Variants in THRB observed in about 807,000 individuals in gnomAD.
THRB encodes the protein thyroid hormone receptor beta.
In THRB, 12 loss-of-function variants were observed where a neutral mutation model predicts 47.8. The ratio of observed to expected loss-of-function variants is 0.25; its 90% CI spans 0.16 to 0.41. The LOEUF is 0.41. THRB is among the 10% of genes least tolerant of loss of function. The pLI is 1.00. For synonymous variants in THRB, 218 were observed against 212.2 expected, an observed-to-expected ratio of 1.03 and a Z score of -0.24; for missense variants, 348 against 589.2, an observed-to-expected ratio of 0.59 and a Z score of 4.24.
chr3:24,469,912 A>T (rs552598283), intron 1 of THRB, among the ~76,000 whole-genome samples: 1 of 152,260 alleles, frequency 6.6e-6, no homozygotes, highest in African/African-American at 2.4e-5. Context: ...TCTGATGAAG[A>T]CTGACACTTC....
intron 1 of THRB, among the ~76,000 whole-genome samples, chr3:24,442,459 C>T (rs1435143483): frequency 6.6e-6 from 1 of 152,194 alleles, no homozygotes; most frequent in African/African-American, 2.4e-5. Context: ...AAGGGTGACC[C>T]TTGAGGCACT....
intron 4 of THRB, among the ~76,000 whole-genome samples, chr3:24,225,342 A>G (rs1273178802): frequency 2.0e-5 from 3 of 152,224 alleles, no homozygotes; most frequent in African/African-American, 7.2e-5. Flanking sequence ...GCCTTGATAA[A>G]GAAAATACCT....
chr3:24,493,797 T>A (rs1295283817), intron 1 of THRB, among the ~76,000 whole-genome samples: 3 of 152,122 alleles, frequency 2.0e-5, no homozygotes, highest in African/African-American at 7.2e-5. Context: ...TTAAAATAAA[T>A]AAGAAGGCTT....
chr3:24,323,341 T>C (rs2149313033), intron 2 of THRB, among the ~76,000 whole-genome samples: 1 of 152,236 alleles, frequency 6.6e-6, no homozygotes, highest in African/African-American at 2.4e-5. Context: ...AATGGCTCTG[T>C]TTGTTTTCAA....
At chr3:24,388,353 C>T (rs972440178) in intron 1 of THRB, among the ~76,000 whole-genome samples, 2 of 152,144 alleles carry the variant, frequency 1.3e-5, no homozygotes, top group African/African-American at 4.8e-5. Context: ...CCCATTCCTA[C>T]CACAGACAGC....
At chr3:24,391,307 T>G (rs941557716) in intron 1 of THRB, among the ~76,000 whole-genome samples, 5 of 152,066 alleles carry the variant, frequency 3.3e-5, no homozygotes, top group African/African-American at 7.2e-5. Flanking sequence ...TTGTGGAGAG[T>G]TGTCTCTTTC....
rs1576167995 is a variant in THRB at position 24,233,591 on chromosome 3, G to GAAAGAAAGAAAAAT, written c.-42-4591_-42-4590insATTTTTCTTTCTTT. 2.9e-4 allele frequency among the ~76,000 whole-genome samples: 20 copies of GAAAGAAAGAAAAAT among 69,410 alleles called. No individual in the cohort carries two copies. In the East Asian group the frequency reaches 3.2e-3, roughly 11 times the overall value. 45.5% of individuals were successfully genotyped at this position (69,410 alleles called of 152,430 possible). A position where few individuals can be genotyped will look rare whatever the true frequency, so the allele number is the denominator to read the frequency against. On this transcript the variant is annotated intron_variant, in intron 3 of 10. Coordinates refer to ENST00000646209, the MANE Select transcript of THRB (RefSeq NM_001354712.2). ...AGAAAGAAAGAAAGAAAGAAAGAAA[G>GAAAGAAAGAAAAAT]AAAGAAAGAAAGAAAGAAAGAAAGA... is the stretch of plus-strand genomic sequence containing the variant.
At chr3:24,253,696 G>A (rs4858598) in intron 3 of THRB, among the ~76,000 whole-genome samples, 8,026 of 152,170 alleles carry the variant, frequency 0.053, 593 homozygotes, top group Admixed American at 0.22. Flanking sequence ...GATTTGTACT[G>A]GAAATCTCCT....
intron 1 of THRB, chr3:24,486,704 A>G (rs1697354478): frequency 6.6e-6 from 1 of 152,210 alleles, no homozygotes; most frequent in Admixed American, 6.5e-5. Flanking sequence ...ATCCCTTATA[A>G]CTGCTACATT....
intron 2 of THRB, among the ~76,000 whole-genome samples, chr3:24,330,044 G>T (rs1188520563): frequency 6.6e-6 from 1 of 152,220 alleles, no homozygotes; most frequent in South Asian, 2.1e-4. Context: ...GGTGGCTCAC[G>T]CCTGTAATCC....
rs527452621 is a variant in THRB at position 24,222,878 on chromosome 3, G to A, written c.22+6060C>T. On this transcript the variant is annotated intron_variant, in intron 4 of 10. Transcript: ENST00000646209. ...GCATTCGTAATGTGTATAGATGGCTGTATGGAATCCAAGGCCAAGTTTTAT... is the reference window on the plus strand; with the variant it reads ...GCATTCGTAATGTGTATAGATGGCTATATGGAATCCAAGGCCAAGTTTTAT... Among the ~76,000 whole-genome samples, 87 of 152,310 alleles carry A rather than the reference G, an allele frequency of 5.7e-4. No homozygotes were observed. The South Asian group carries it at 0.016, about 29-fold the overall frequency.
intron 3 of THRB, among the ~76,000 whole-genome samples, chr3:24,288,104 T>C (rs2055520344): frequency 6.6e-6 from 1 of 152,228 alleles, no homozygotes; most frequent in Non-Finnish European, 1.5e-5. Context: ...GAGCATCTTT[T>C]ATTCTGTCCC....
intron 1 of THRB, among the ~76,000 whole-genome samples, chr3:24,490,668 T>C (rs1390884468): frequency 6.6e-6 from 1 of 152,150 alleles, no homozygotes; most frequent in East Asian, 1.9e-4. Flanking sequence ...TTTATGGCCA[T>C]AGGGTCATTT....
chr3:24,165,110 T>C (rs1238604044), intron 5 of THRB: 1 of 765,134 alleles, frequency 1.3e-6, no homozygotes, highest in East Asian at 2.4e-5. Context: ...GCTGTATTGA[T>C]TCAGGGCCAT....
Position 24,191,169 on chromosome 3 carries a change from CACTA to C in THRB, c.23-839_23-836del, listed in dbSNP as rs138683413. ...TAATAATATGATGAAAAATTTCTGA[CACTA>C]ACCTTCCCTGGTGGCAAATTTTACT... On this transcript the variant is annotated intron_variant, in intron 4 of 10. Transcript: ENST00000646209. Among the ~76,000 whole-genome samples the C allele has an allele frequency of 4.2e-3, 641 of 151,862 alleles. 9 individuals carry two copies. Among genetic ancestry groups the C allele is most frequent in the African/African-American group, 0.015 (616 of 41,460 alleles).
chr3:24,338,733 C>T (rs996488282), intron 1 of THRB, among the ~76,000 whole-genome samples: 2 of 152,206 alleles, frequency 1.3e-5, no homozygotes, highest in Non-Finnish European at 2.9e-5. Flanking sequence ...CACCCTATGA[C>T]TCCATGCAGT....
rs73136697 is a variant in THRB at position 24,142,267 on chromosome 3, T to C, written c.738+1234A>G. Among the ~76,000 whole-genome samples the C allele has an allele frequency of 3.4e-3, 524 of 152,352 alleles. 2 individuals carry two copies. Among genetic ancestry groups the C allele is most frequent in the African/African-American group, 0.012 (497 of 41,594 alleles). The stretch of plus-strand genomic sequence containing the variant: ...AGGATTGGTATAGGAAGTTAATGAA[T>C]GAAAAGCACTTAGAATAGTACCTGG... On this transcript the variant is annotated intron_variant, in intron 8 of 10. Transcript: ENST00000646209.
chr3:24,209,730 C>T (rs1414483111), intron 4 of THRB, among the ~76,000 whole-genome samples: 5 of 151,958 alleles, frequency 3.3e-5, no homozygotes, highest in Admixed American at 1.3e-4. Flanking sequence ...ATGTAAATGA[C>T]GTGTTAATGG....
intron 2 of THRB, among the ~76,000 whole-genome samples, chr3:24,314,038 C>G (rs1024484962): frequency 6.6e-6 from 1 of 152,072 alleles, no homozygotes; most frequent in Non-Finnish European, 1.5e-5. Flanking sequence ...TTGAGAAGTA[C>G]TAAGAAAAGT....
Sources: gnomAD v4.1 joint callset for allele counts (sites outside exome capture counted in the v4.1 genomes callset) on GRCh38, gnomAD v4.1.1 for gene constraint, MANE v1.5 for transcripts, NCBI Gene and HGNC (gene_info 2026-07-23, HGNC 2026-07-21) for gene names.